The following GTF2F2 variants were observed in gnomAD, a reference collection of about 807,000 sequenced individuals.
The protein encoded by GTF2F2 is general transcription factor IIF subunit 2.
GTF2F2 carries 23 observed loss-of-function variants against 42.2 expected under a neutral mutation model. The observed-to-expected ratio is 0.55, with a 90% confidence interval of 0.39 to 0.77. GTF2F2 has a LOEUF of 0.77. Among genes scored for constraint, GTF2F2 ranks in the 30% least tolerant of loss-of-function variants. The pLI, the probability that GTF2F2 is intolerant of heterozygous loss-of-function variation, is 0.00. For missense variants in GTF2F2, 261 were observed against 287.2 expected (o/e 0.91, Z 0.66); for synonymous variants, 105 against 100.8 (o/e 1.04, Z -0.25).
At chr13:45,172,640 A>G (rs1262945588) in intron 4 of GTF2F2, among the ~76,000 whole-genome samples, 1 of 152,210 alleles carries the variant, frequency 6.6e-6, no homozygotes. Context: ...GGTATGAAAT[A>G]GGAAGCCAAC....
intron 4 of GTF2F2, among the ~76,000 whole-genome samples, chr13:45,179,332 T>C (rs1039189948): frequency 1.3e-4 from 20 of 152,290 alleles, no homozygotes; most frequent in African/African-American, 4.8e-4. Flanking sequence ...TGAAATTAGG[T>C]GATCATTACA....
intron 5 of GTF2F2, among the ~76,000 whole-genome samples, chr13:45,227,978 GA>G (rs1874448089): frequency 6.6e-6 from 1 of 152,178 alleles, no homozygotes; most frequent in African/African-American, 2.4e-5. Flanking sequence ...TACCAGTGAA[GA>G]ATCCTTTGAC....
chr13:45,151,740 AC>A lies in GTF2F2; in HGVS notation c.215del (p.Pro72GlnfsTer22). ...LANIHDIGGK[P>X]ASVSAPREHP... is the part of the protein sequence containing the mutation. ...CAAATATTCATGATATTGGTGGAAA[AC>A]CAGCTTCAGTCAGTGCTCCTAGAGA... On this transcript the variant is annotated frameshift_variant, in exon 4 of 8. Transcript: ENST00000340473. LOFTEE classifies it high-confidence loss of function. 6.2e-7 allele frequency: 1 copy of A among 1,604,712 alleles called. No homozygotes were observed. Among genetic ancestry groups the A allele is most frequent in the Non-Finnish European group, 8.5e-7 (1 of 1,172,926 alleles).
intron 6 of GTF2F2, among the ~76,000 whole-genome samples, chr13:45,255,531 G>A (rs930672425): frequency 2.6e-5 from 4 of 152,186 alleles, no homozygotes; most frequent in African/African-American, 9.6e-5. Flanking sequence ...GACAGGTAAG[G>A]TTTCAGATGA....
intron 2 of GTF2F2, among the ~76,000 whole-genome samples, chr13:45,148,247 G>A (rs1330012438): frequency 2.0e-5 from 3 of 152,184 alleles, no homozygotes; most frequent in Non-Finnish European, 4.4e-5. Context: ...TCTAGTGCAA[G>A]TTTCCTGTAG....
intron 2 of GTF2F2, 108 bp downstream of exon 2, chr13:45,136,914 C>T: frequency 1.4e-6 from 1 of 693,906 alleles, no homozygotes; most frequent in South Asian, 1.7e-5. Flanking sequence ...TGGAAAATGA[C>T]AAGTAATGAG....
intron 5 of GTF2F2, among the ~76,000 whole-genome samples, chr13:45,239,997 C>T (rs1875196165): frequency 6.6e-6 from 1 of 150,748 alleles, no homozygotes; most frequent in Admixed American, 6.6e-5. Flanking sequence ...AAGAATTCAA[C>T]TCAGTATTAA....
chr13:45,235,487 T>C (rs1252880205), intron 5 of GTF2F2, among the ~76,000 whole-genome samples: 1 of 152,084 alleles, frequency 6.6e-6, no homozygotes, highest in Admixed American at 6.6e-5. Flanking sequence ...TTTTTTTTTT[T>C]TCTAATGTTT....
intron 4 of GTF2F2, among the ~76,000 whole-genome samples, chr13:45,187,272 G>T (rs761670094): frequency 8.6e-5 from 13 of 151,760 alleles, no homozygotes; most frequent in Non-Finnish European, 1.8e-4. Flanking sequence ...ATTTAAAAGG[G>T]GTATGTTTTA....
chr13:45,210,288 C>T (rs1873579657), intron 5 of GTF2F2, among the ~76,000 whole-genome samples: 1 of 152,190 alleles, frequency 6.6e-6, no homozygotes, highest in South Asian at 2.1e-4. Context: ...GCTCCAACCA[C>T]ACCTGTCTCC....
intron 5 of GTF2F2, 71 bp from the exon 6 acceptor site, chr13:45,252,800 T>C (rs1875933038): frequency 2.9e-6 from 2 of 684,062 alleles, no homozygotes; most frequent in Non-Finnish European, 5.0e-6. Context: ...ATAAGAATTA[T>C]AGAAATAATA....
intron 4 of GTF2F2, among the ~76,000 whole-genome samples, chr13:45,198,067 C>T (rs1234893209): frequency 1.3e-5 from 2 of 152,228 alleles, no homozygotes; most frequent in Non-Finnish European, 2.9e-5. Context: ...TCTTAGACAG[C>T]TTTAATCATA....
At chr13:45,161,930 T>C (rs754076466) in intron 4 of GTF2F2, among the ~76,000 whole-genome samples, 49 of 152,296 alleles carry the variant, frequency 3.2e-4, no homozygotes, top group South Asian at 6.2e-4. Flanking sequence ...GTTTACACTT[T>C]TAGGTATTTA....
chr13:45,235,444 C>T (rs1874917292), intron 5 of GTF2F2, among the ~76,000 whole-genome samples: 1 of 150,564 alleles, frequency 6.6e-6, no homozygotes, highest in South Asian at 2.1e-4. Flanking sequence ...CTTCTGACTT[C>T]TTAAGGACAT....
At chr13:45,231,180 T>G (rs541916131) in intron 5 of GTF2F2, among the ~76,000 whole-genome samples, 2 of 152,308 alleles carry the variant, frequency 1.3e-5, no homozygotes, top group South Asian at 4.1e-4. Flanking sequence ...CAATCTTGGC[T>G]TACTGCAACC....
At chr13:45,180,304 A>G (rs1399170950) in intron 4 of GTF2F2, among the ~76,000 whole-genome samples, 4 of 152,194 alleles carry the variant, frequency 2.6e-5, no homozygotes, top group Non-Finnish European at 5.9e-5. Context: ...TTCTTAAAAA[A>G]CACTCATAGG....
At chr13:45,222,979 G>C (rs1186466147) in intron 5 of GTF2F2, among the ~76,000 whole-genome samples, 1 of 152,168 alleles carries the variant, frequency 6.6e-6, no homozygotes, top group East Asian at 1.9e-4. Context: ...TGACATGGGA[G>C]ATTACTTCTA....
At chr13:45,271,097 C>G (rs1340926958) in intron 7 of GTF2F2, among the ~76,000 whole-genome samples, 1 of 151,970 alleles carries the variant, frequency 6.6e-6, no homozygotes, top group Non-Finnish European at 1.5e-5. Flanking sequence ...TCGAGACTAT[C>G]CTGGCTAACA....
At chr13:45,263,169 T>C (rs1326182560) in intron 6 of GTF2F2, among the ~76,000 whole-genome samples, 2 of 152,186 alleles carry the variant, frequency 1.3e-5, no homozygotes, top group Non-Finnish European at 2.9e-5. Context: ...ATTTCTCTAG[T>C]GAGGAATGTT....
Sources: gnomAD v4.1 joint callset for allele counts (sites outside exome capture counted in the v4.1 genomes callset) on GRCh38, gnomAD v4.1.1 for gene constraint, MANE v1.5 for transcripts, NCBI Gene and HGNC (gene_info 2026-07-23, HGNC 2026-07-21) for gene names.